Variants in CDH4 observed in about 807,000 individuals in gnomAD.
The protein encoded by CDH4 is cadherin 4, also known as cadherin-4.
CDH4 carries 33 observed loss-of-function variants against 86.0 expected under a neutral mutation model. The ratio of observed to expected loss-of-function variants is 0.38; its 90% CI spans 0.29 to 0.51. The LOEUF (loss-of-function observed/expected upper bound fraction) is 0.51. CDH4 is among the 20% of genes least tolerant of loss of function. CDH4 has a pLI of 0.86. For missense variants in CDH4, 1,114 were observed against 1,307.4 expected (o/e 0.85, Z 2.28); for synonymous variants, 555 against 549.4 (o/e 1.01, Z -0.14).
At chr20:61,643,204 A>AC (rs1555818234) in intron 2 of CDH4, among the ~76,000 whole-genome samples, 5 of 152,072 alleles carry the variant, frequency 3.3e-5, no homozygotes, top group African/African-American at 9.7e-5. Flanking sequence ...CATCACAGGG[A>AC]GGGGGGGTGT....
intron 8 of CDH4, among the ~76,000 whole-genome samples, chr20:61,907,164 C>T (rs920692313): frequency 3.3e-5 from 5 of 152,134 alleles, no homozygotes; most frequent in African/African-American, 9.7e-5. Context: ...ATCACCTCCA[C>T]CTCACAGCTC....
At chr20:61,764,025 C>T (rs114105707) in intron 3 of CDH4, among the ~76,000 whole-genome samples, 7 of 152,276 alleles carry the variant, frequency 4.6e-5, no homozygotes, top group South Asian at 2.1e-4. Flanking sequence ...GGAAATGATC[C>T]GAGTTTTGCT....
At chr20:61,805,100 A>G (rs954129554) in intron 4 of CDH4, among the ~76,000 whole-genome samples, 1 of 152,190 alleles carries the variant, frequency 6.6e-6, no homozygotes, top group Admixed American at 6.5e-5. Context: ...CATTCCAGCA[A>G]ACATCTTGGG....
At chr20:61,723,608 A>G (rs930371007) in intron 2 of CDH4, among the ~76,000 whole-genome samples, 2 of 152,218 alleles carry the variant, frequency 1.3e-5, no homozygotes, top group Admixed American at 1.3e-4. Context: ...CAGCTCAAAA[A>G]TGCATGAGAA....
intron 2 of CDH4, among the ~76,000 whole-genome samples, chr20:61,615,973 C>T (rs764376323): frequency 1.6e-4 from 24 of 152,226 alleles, no homozygotes; most frequent in Non-Finnish European, 3.4e-4. Flanking sequence ...AGCGGGCCCC[C>T]GTGAAGGCCA....
intron 2 of CDH4, among the ~76,000 whole-genome samples, chr20:61,452,140 A>G (rs1450528411): frequency 2.0e-5 from 3 of 152,130 alleles, no homozygotes; most frequent in African/African-American, 4.8e-5. Flanking sequence ...CGGCTGGTGG[A>G]GGCTTGTGCT....
At chr20:61,895,074 C>CAGGGCA in intron 8 of CDH4, 27 bp downstream of exon 8, 1 of 1,610,618 alleles carries the variant, frequency 6.2e-7, no homozygotes, top group Non-Finnish European at 8.5e-7. Flanking sequence ...TGCCCAGTGA[C>CAGGGCA]GCATGGCCCG....
intron 2 of CDH4, among the ~76,000 whole-genome samples, chr20:61,460,820 A>G (rs1371214974): frequency 6.6e-6 from 1 of 152,170 alleles, no homozygotes. Flanking sequence ...AAGGTCATCC[A>G]TGGGTGTATC....
At chr20:61,620,269 G>C (rs915066087) in intron 2 of CDH4, among the ~76,000 whole-genome samples, 1 of 151,542 alleles carries the variant, frequency 6.6e-6, no homozygotes, top group African/African-American at 2.4e-5. Context: ...ATGGATGGGT[G>C]GGTAGATGGT....
intron 2 of CDH4, among the ~76,000 whole-genome samples, chr20:61,495,340 C>T (rs570049966): frequency 1.3e-5 from 2 of 152,286 alleles, no homozygotes; most frequent in East Asian, 3.9e-4. Context: ...AGCCTACGAA[C>T]CCCCAGGAGG....
intron 6 of CDH4, among the ~76,000 whole-genome samples, chr20:61,868,408 T>TG (rs758529857): frequency 5.3e-4 from 81 of 151,978 alleles, no homozygotes; most frequent in Non-Finnish European, 5.3e-4. Context: ...CAGCTTCTAA[T>TG]GGGGCAGGGG....
chr20:61,801,135 C>T (rs1391531332), intron 4 of CDH4, among the ~76,000 whole-genome samples: 1 of 152,174 alleles, frequency 6.6e-6, no homozygotes, highest in Non-Finnish European at 1.5e-5. Context: ...CACCGGGGCT[C>T]CTGCCTCCCG....
intron 2 of CDH4, among the ~76,000 whole-genome samples, chr20:61,403,166 AGGG>A (rs1600944775): frequency 6.6e-6 from 1 of 152,294 alleles, no homozygotes; most frequent in East Asian, 1.9e-4. Context: ...TTGGACCATG[AGGG>A]GATCTTGAAG....
At chr20:61,352,756 C>A (rs1291151823) in intron 2 of CDH4, among the ~76,000 whole-genome samples, 1 of 152,082 alleles carries the variant, frequency 6.6e-6, no homozygotes, top group Non-Finnish European at 1.5e-5. Context: ...ATTCACTCCC[C>A]CCGGTCACCT....
intron 2 of CDH4, among the ~76,000 whole-genome samples, chr20:61,479,702 T>C (rs1159597347): frequency 6.6e-6 from 1 of 152,224 alleles, no homozygotes; most frequent in East Asian, 1.9e-4. Context: ...TATTTGGTTC[T>C]TTGGGGTTTG....
intron 2 of CDH4, among the ~76,000 whole-genome samples, chr20:61,541,151 A>G (rs538913097): frequency 3.7e-4 from 57 of 152,294 alleles, no homozygotes; most frequent in African/African-American, 1.4e-3. Flanking sequence ...TAACCACCCC[A>G]GTCGTCATTG....
At chr20:61,499,202 G>C (rs2085683077) in intron 2 of CDH4, among the ~76,000 whole-genome samples, 1 of 152,222 alleles carries the variant, frequency 6.6e-6, no homozygotes, top group Non-Finnish European at 1.5e-5. Context: ...CTGGAGCCCT[G>C]GTTGCGGAAG....
chr20:61,488,460 C>G (rs765605518), intron 2 of CDH4, among the ~76,000 whole-genome samples: 1 of 152,192 alleles, frequency 6.6e-6, no homozygotes, highest in East Asian at 1.9e-4. Context: ...AGGCATCCCA[C>G]GGTGGTGATT....
At chr20:61,551,363 G>A (rs2086128471) in intron 2 of CDH4, among the ~76,000 whole-genome samples, 1 of 152,204 alleles carries the variant, frequency 6.6e-6, no homozygotes, top group Non-Finnish European at 1.5e-5. Context: ...AAGTCATACA[G>A]AAAATTTCAC....
Sources: gnomAD v4.1 joint callset for allele counts (sites outside exome capture counted in the v4.1 genomes callset) on GRCh38, gnomAD v4.1.1 for gene constraint, MANE v1.5 for transcripts, NCBI Gene and HGNC (gene_info 2026-07-23, HGNC 2026-07-21) for gene names.